Variants in FOXP2 observed in about 807,000 individuals in gnomAD.
FOXP2 encodes the protein forkhead box P2.
FOXP2 carries 12 observed loss-of-function variants against 115.8 expected under a neutral mutation model. That is an observed-to-expected ratio of 0.10 (90% CI 0.07 to 0.17). FOXP2 has a LOEUF of 0.17. FOXP2 is among the 10% of genes least tolerant of loss of function. The pLI is 1.00. For missense variants in FOXP2, 629 were observed against 843.5 expected (o/e 0.75, Z 3.15); for synonymous variants, 328 against 297.7 (o/e 1.10, Z -1.05).
At chr7:114,495,782 C>T (rs988582387) in intron 2 of FOXP2, among the ~76,000 whole-genome samples, 5 of 152,126 alleles carry the variant, frequency 3.3e-5, no homozygotes, top group Non-Finnish European at 7.4e-5. Flanking sequence ...GCTGGGATTA[C>T]AGGCATAAGC....
intron 2 of FOXP2, among the ~76,000 whole-genome samples, chr7:114,304,412 C>T (rs957274727): frequency 6.6e-6 from 1 of 151,742 alleles, no homozygotes; most frequent in Non-Finnish European, 1.5e-5. Flanking sequence ...TGACTCATGC[C>T]TGTAATTCCA....
chr7:114,550,310 G>C (rs1359893150), intron 3 of FOXP2, among the ~76,000 whole-genome samples: 1 of 151,886 alleles, frequency 6.6e-6, no homozygotes, highest in Non-Finnish European at 1.5e-5. Context: ...TAGAGACGGG[G>C]TTTCACCGTG....
chr7:114,397,246 G>A (rs917994393), intron 2 of FOXP2, among the ~76,000 whole-genome samples: 30 of 151,832 alleles, frequency 2.0e-4, no homozygotes, highest in African/African-American at 6.8e-4. Flanking sequence ...ACAGTAAATG[G>A]GAAAACATCC....
At chr7:114,235,722 A>G (rs1348902734) in intron 1 of FOXP2, among the ~76,000 whole-genome samples, 4 of 152,126 alleles carry the variant, frequency 2.6e-5, no homozygotes, top group Non-Finnish European at 1.5e-5. Flanking sequence ...TAAGCCTCCA[A>G]TTTTGCACTG....
chr7:114,614,273 G>A (rs977156496), intron 3 of FOXP2, among the ~76,000 whole-genome samples: 1 of 151,818 alleles, frequency 6.6e-6, no homozygotes, highest in African/African-American at 2.4e-5. Flanking sequence ...TTTTCAAAAT[G>A]TCTTTAATTT....
chr7:114,643,819 T>C (rs1265666918), intron 7 of FOXP2, among the ~76,000 whole-genome samples: 1 of 152,216 alleles, frequency 6.6e-6, no homozygotes, highest in Non-Finnish European at 1.5e-5. Flanking sequence ...AAACTTCATA[T>C]GTAAGTGTAG....
At chr7:114,401,135 T>G (rs1792878750) in intron 2 of FOXP2, among the ~76,000 whole-genome samples, 1 of 152,116 alleles carries the variant, frequency 6.6e-6, no homozygotes, top group Admixed American at 6.5e-5. Context: ...TTAGTAGGGT[T>G]CTTTTGATAA....
intron 6 of FOXP2, among the ~76,000 whole-genome samples, chr7:114,641,434 T>C (rs918875502): frequency 3.3e-5 from 5 of 152,200 alleles, no homozygotes; most frequent in African/African-American, 9.6e-5. Flanking sequence ...TGATTTACTC[T>C]ATCAGTCATA....
intron 1 of FOXP2, among the ~76,000 whole-genome samples, chr7:114,226,340 TG>T (rs369649242): frequency 2.0e-5 from 3 of 152,332 alleles, no homozygotes; most frequent in East Asian, 3.9e-4. Context: ...TGGATGCTTT[TG>T]TGCAGTGACT....
intron 2 of FOXP2, among the ~76,000 whole-genome samples, chr7:114,338,994 A>G (rs903911745): frequency 2.0e-5 from 3 of 151,032 alleles, no homozygotes; most frequent in Non-Finnish European, 4.5e-5. Flanking sequence ...TGATAAGCCA[A>G]TATTTCTTGT....
At chr7:114,113,921 T>A (rs1041397385) in intron 1 of FOXP2, among the ~76,000 whole-genome samples, 4 of 152,116 alleles carry the variant, frequency 2.6e-5, no homozygotes, top group African/African-American at 9.7e-5. Context: ...AAATTGTATT[T>A]AAGAGAAAGC....
At chr7:114,168,687 A>G (rs578138688) in intron 1 of FOXP2, among the ~76,000 whole-genome samples, 13 of 152,334 alleles carry the variant, frequency 8.5e-5, no homozygotes, top group African/African-American at 2.9e-4. Context: ...ACAAATTTGC[A>G]TACATAATGA....
At chr7:114,390,158 G>A (rs969794844) in intron 2 of FOXP2, among the ~76,000 whole-genome samples, 1 of 151,126 alleles carries the variant, frequency 6.6e-6, no homozygotes, top group Non-Finnish European at 1.5e-5. Flanking sequence ...TTTTTAAAAA[G>A]CATGTATTAT....
intron 1 of FOXP2, among the ~76,000 whole-genome samples, chr7:114,211,370 C>G (rs1332567107): frequency 1.3e-5 from 2 of 152,116 alleles, no homozygotes; most frequent in Non-Finnish European, 2.9e-5. Flanking sequence ...TCCTGATGTG[C>G]GGGTTGCAAA....
intron 2 of FOXP2, among the ~76,000 whole-genome samples, chr7:114,382,687 G>A (rs1792337780): frequency 2.0e-5 from 3 of 151,962 alleles, no homozygotes. Context: ...GGGTTTCTAA[G>A]TTTTGCTCTG....
intron 2 of FOXP2, among the ~76,000 whole-genome samples, chr7:114,490,545 T>G (rs1035377146): frequency 2.0e-5 from 3 of 152,118 alleles, no homozygotes; most frequent in South Asian, 2.1e-4. Context: ...AGGGTACATG[T>G]GCACAATGTG....
At chr7:114,672,256 AG>A (rs1293344285) in intron 16 of FOXP2, among the ~76,000 whole-genome samples, 2 of 152,202 alleles carry the variant, frequency 1.3e-5, no homozygotes, top group Admixed American at 1.3e-4. Context: ...AGCAAGTCAA[AG>A]AAAGGACATG....
intron 1 of FOXP2, among the ~76,000 whole-genome samples, chr7:114,191,071 G>A (rs1238765337): frequency 6.6e-6 from 1 of 152,102 alleles, no homozygotes; most frequent in Non-Finnish European, 1.5e-5. Context: ...GCTTTTTGAG[G>A]TCTGGTTGAT....
At chr7:114,493,089 G>C (rs1036160022) in intron 2 of FOXP2, among the ~76,000 whole-genome samples, 5 of 152,130 alleles carry the variant, frequency 3.3e-5, no homozygotes, top group African/African-American at 9.7e-5. Flanking sequence ...GAATCTGGGT[G>C]CTCCTGTATT....
Sources: gnomAD v4.1 joint callset for allele counts (sites outside exome capture counted in the v4.1 genomes callset) on GRCh38, gnomAD v4.1.1 for gene constraint, MANE v1.5 for transcripts, NCBI Gene and HGNC (gene_info 2026-07-23, HGNC 2026-07-21) for gene names.